The following TENM2 variants were observed in gnomAD, a reference collection of about 807,000 sequenced individuals.
TENM2 encodes the protein teneurin-2.
TENM2 carries 52 observed loss-of-function variants against 245.2 expected under a neutral mutation model. That is an observed-to-expected ratio of 0.21 (90% CI 0.17 to 0.27). TENM2 has a LOEUF of 0.27. Ranked by LOEUF, TENM2 falls within the 10% of genes least tolerant of loss-of-function variation. The pLI, the probability that TENM2 is intolerant of heterozygous loss-of-function variation, is 1.00. For missense variants in TENM2, 3,046 were observed against 3,666.8 expected (o/e 0.83, Z 4.37); for synonymous variants, 1,363 against 1,438.9 (o/e 0.95, Z 1.19).
intron 12 of TENM2, among the ~76,000 whole-genome samples, chr5:168,161,842 AC>A (rs1019132764): frequency 2.0e-5 from 3 of 151,868 alleles, no homozygotes; most frequent in African/African-American, 7.3e-5. Context: ...ACACACACAC[AC>A]ATCAATAAAG....
intron 3 of TENM2, among the ~76,000 whole-genome samples, chr5:167,895,135 T>C (rs1473288790): frequency 1.3e-5 from 2 of 152,266 alleles, no homozygotes; most frequent in Non-Finnish European, 1.5e-5. Context: ...GAACTGAGAC[T>C]TTCTATTAGA....
rs569105398 is a variant in TENM2, at chr5:167,491,506, C to G, written c.502+116033C>G. Among the ~76,000 whole-genome samples the G allele has an allele frequency of 3.3e-5, 5 of 152,178 alleles. No individual in the cohort carries two copies. The South Asian group carries it at 6.2e-4, about 19-fold the overall frequency. ...AGCCACTATGCCAATTATTAATGCCCTTTGTTCAAATGTTCTAATGACCCA... is the reference window on the plus strand; with the variant it reads ...AGCCACTATGCCAATTATTAATGCCGTTTGTTCAAATGTTCTAATGACCCA... On this transcript the variant is annotated intron_variant, in intron 2 of 28. Transcript: ENST00000518659.
chr5:167,764,858 T>C (rs1762904865), intron 2 of TENM2, among the ~76,000 whole-genome samples: 1 of 152,160 alleles, frequency 6.6e-6, no homozygotes. Context: ...GGCAAATTGC[T>C]ATGCTGATGA....
chr5:167,293,653 A>G (rs62388768), intron 1 of TENM2, among the ~76,000 whole-genome samples: 6,884 of 152,264 alleles, frequency 0.045, 222 homozygotes, highest in Non-Finnish European at 0.067. Context: ...TTAAAGAGCC[A>G]GGAAAGGTCA....
At chr5:167,331,644 GAA>G (rs1353498922) in intron 1 of TENM2, among the ~76,000 whole-genome samples, 17 of 152,200 alleles carry the variant, frequency 1.1e-4, no homozygotes, top group Non-Finnish European at 7.3e-5. Flanking sequence ...GATATATTTT[GAA>G]AGAGTGTGAA....
At chr5:167,938,414 T>C (rs1018194122) in intron 3 of TENM2, 1 of 152,188 alleles carries the variant, frequency 6.6e-6, no homozygotes, top group African/African-American at 2.4e-5. Context: ...CTCTACAAAA[T>C]TTTATACATG....
At chr5:167,659,384 A>T (rs1328534323) in intron 2 of TENM2, among the ~76,000 whole-genome samples, 3 of 152,218 alleles carry the variant, frequency 2.0e-5, no homozygotes, top group East Asian at 1.9e-4. Context: ...TTCAATTGTC[A>T]ACTAGAAATA....
chr5:167,200,300 A>G, the TENM2 span, among the ~76,000 whole-genome samples: 6,255 of 152,026 alleles, frequency 0.041, 535 homozygotes, highest in East Asian at 0.38. Flanking sequence ...TCATTTTCCC[A>G]GCATGAGGGA....
rs573529796 is a variant in TENM2, at chr5:167,709,647, T to C, written c.503-166339T>C. Among the ~76,000 whole-genome samples, 7 of 152,320 alleles carry C rather than the reference T, an allele frequency of 4.6e-5. No individual in the cohort carries two copies. In the South Asian group the frequency reaches 6.2e-4, roughly 14 times the overall value. The stretch of plus-strand genomic sequence containing the variant: ...CTGTCTCTTTCTCAGGACAGCTTTG[T>C]CTCTGTATATCGTACTCAATCTCCC... On this transcript the variant is annotated intron_variant, in intron 2 of 28. Transcript: ENST00000518659.
At chr5:167,867,457 C>T (rs530227065) in intron 2 of TENM2, among the ~76,000 whole-genome samples, 3 of 152,228 alleles carry the variant, frequency 2.0e-5, no homozygotes, top group African/African-American at 7.2e-5. Flanking sequence ...TTAACTGGGG[C>T]CGGTCCAACA....
the TENM2 span, among the ~76,000 whole-genome samples, chr5:167,197,571 G>T: frequency 1.3e-5 from 2 of 151,960 alleles, no homozygotes; most frequent in Non-Finnish European, 2.9e-5. Flanking sequence ...AACTGCATTT[G>T]CCCTGCTACC....
At chr5:167,294,016 G>A (rs936649354) in intron 1 of TENM2, among the ~76,000 whole-genome samples, 3 of 150,546 alleles carry the variant, frequency 2.0e-5, no homozygotes, top group Non-Finnish European at 4.4e-5. Context: ...TCAACTGAGT[G>A]TGTGTTTTAT....
At chr5:167,571,313 A>G (rs896364561) in intron 2 of TENM2, among the ~76,000 whole-genome samples, 1 of 152,204 alleles carries the variant, frequency 6.6e-6, no homozygotes, top group Admixed American at 6.5e-5. Flanking sequence ...ACACAGCAGT[A>G]GGTAGTGGAG....
intron 2 of TENM2, among the ~76,000 whole-genome samples, chr5:167,617,564 A>T (rs1304147250): frequency 5.9e-5 from 9 of 152,190 alleles, no homozygotes; most frequent in Non-Finnish European, 1.3e-4. Context: ...TTAGTAACTG[A>T]CATTCAGATG....
chr5:168,184,245 CTTGGTGG>C (rs778611910), intron 13 of TENM2, among the ~76,000 whole-genome samples: 1 of 152,186 alleles, frequency 6.6e-6, no homozygotes, highest in Non-Finnish European at 1.5e-5. Context: ...AGATTTGGTG[CTTGGTGG>C]TTCCTCTGTG....
rs370446142 is a variant in TENM2, at chr5:168,218,504, C to T, written c.4613C>T (p.Ala1538Val). ...TGCTATTCAGGAGATGATGCCTACGCGACTGATGCCATCTTGAATTCCCCA... is the reference window on the plus strand; with the variant it reads ...TGCTATTCAGGAGATGATGCCTACGTGACTGATGCCATCTTGAATTCCCCA... The change falls in exon 23 of 29, where the codon GCG becomes GTG. Residue 1538 changes from alanine to valine, a missense_variant. Physicochemically the swap from Ala to Val is moderately conservative, Grantham distance 64. Around this residue, in one of 2 missense-constraint regions of TENM2, gnomAD observed 2,704 missense variants for 3,331.9 expected, o/e 0.81. Transcript: ENST00000518659. This position sits in a 1 kb window ranked among gnomAD's most constrained non-coding sequence, Gnocchi z 5.2. The T allele has an allele frequency of 2.0e-5, 33 of 1,613,898 alleles. No homozygotes were observed. Among genetic ancestry groups the T allele is most frequent in the Admixed American group, 8.3e-5 (5 of 60,002 alleles).
chr5:167,462,196 T>TG (rs1766356062), intron 2 of TENM2, among the ~76,000 whole-genome samples: 1 of 20,182 alleles, frequency 5.0e-5, no homozygotes. Context: ...CCCCCCCCAT[T>TG]GCAGGACATG....
chr5:167,361,652 A>G (rs1759726781), intron 1 of TENM2, among the ~76,000 whole-genome samples: 1 of 152,204 alleles, frequency 6.6e-6, no homozygotes, highest in African/African-American at 2.4e-5. Context: ...CAGTATATGA[A>G]CAGTATTATT....
chr5:167,658,109 G>A (rs924771577), intron 2 of TENM2, among the ~76,000 whole-genome samples: 1 of 152,108 alleles, frequency 6.6e-6, no homozygotes, highest in Non-Finnish European at 1.5e-5. Context: ...CTGGAGGCTG[G>A]GATGTTCAAT....
Sources: allele counts gnomAD v4.1 joint callset (sites outside exome capture counted in the v4.1 genomes callset), GRCh38; gene constraint gnomAD v4.1.1; regional missense constraint gnomAD v4.1.1; non-coding constraint Gnocchi (gnomAD v3.1); transcripts MANE v1.5; gene names NCBI Gene and HGNC (gene_info 2026-07-23, HGNC 2026-07-21).